Variants in ZNF878 observed in about 807,000 individuals in gnomAD.
ZNF878 encodes the protein zinc finger protein 878.
Under a neutral mutation model 11.1 loss-of-function variants are expected in ZNF878, and 10 were observed. That is an observed-to-expected ratio of 0.90 (90% CI 0.56 to 1.53). ZNF878 has a LOEUF of 1.53. Among genes scored for constraint, ZNF878 ranks in the 40% most tolerant of loss-of-function variants. The pLI, the probability that ZNF878 is intolerant of heterozygous loss-of-function variation, is 0.00. For missense variants in ZNF878, 548 were observed against 626.1 expected (o/e 0.88, Z 1.33); for synonymous variants, 165 against 209.7 (o/e 0.79, Z 1.84).
chr19:12,049,000 G>GGGTGT (rs1421725260), intron 1 of ZNF878, among the ~76,000 whole-genome samples: 1 of 151,422 alleles, frequency 6.6e-6, no homozygotes, highest in Non-Finnish European at 1.5e-5. Flanking sequence ...AAAATTAGCT[G>GGGTGT]GGTGTGGTGG....
At chr19:12,050,414 T>A (rs530214258) in intron 1 of ZNF878, among the ~76,000 whole-genome samples, 1 of 152,166 alleles carries the variant, frequency 6.6e-6, no homozygotes, top group Non-Finnish European at 1.5e-5. Context: ...CCAGGCACAA[T>A]AGGTCAATTA....
At position 12,046,670 on chromosome 19, in the gene ZNF878, C is replaced by G. The variant is rs774069123; in HGVS notation, c.94G>C (p.Val32Leu). The change falls in exon 2 of 4, where the codon GTG becomes CTG. Residue 32 changes from valine (V) to leucine (L), a missense_variant. Val to Leu is a conservative substitution (Grantham distance 32, BLOSUM62 1). Coordinates refer to ENST00000547628, the MANE Select transcript of ZNF878 (RefSeq NM_001080404.3). ...DPSQKNLYRE[V>L]MQETLRNLTS... ...AGGTTCCTCAAGGTTTCCTGCATCACTTCCCTGTAGAGATTTTTCTGGGAA... is the reference window on the plus strand; with the variant it reads ...AGGTTCCTCAAGGTTTCCTGCATCAGTTCCCTGTAGAGATTTTTCTGGGAA... The G allele has an allele frequency of 2.5e-6, 4 of 1,614,114 alleles. No homozygotes were observed. The highest frequency in any genetic ancestry group is 3.4e-6 in the Non-Finnish European group (4 of 1,180,016).
chr19:12,050,281 T>G (rs187123125), intron 1 of ZNF878, among the ~76,000 whole-genome samples: 82 of 152,222 alleles, frequency 5.4e-4, no homozygotes, highest in African/African-American at 2.0e-3. Context: ...TATAGAACAC[T>G]AAGACCCTTC....
chr19:12,044,683 T>C lies in ZNF878; in HGVS notation c.718A>G (p.Ser240Gly). The part of the protein sequence containing the change: ...NICGKAFFSP[S>G]SLKRHEKSHT... ...CTTTTCTCGTGTCTTTTTAACGAAC[T>C]GGGAGAAAAAAAGGCTTTCCCACAT... Residue 240 changes from serine (S) to glycine (G), a missense_variant, in exon 4 of 4, where the codon AGT becomes GGT. Physicochemically the swap from Ser to Gly is moderately conservative, Grantham distance 56. Transcript: ENST00000547628. 1.2e-6 allele frequency: 2 copies of C among 1,614,030 alleles called. No homozygotes were observed. Among genetic ancestry groups the C allele is most frequent in the Non-Finnish European group, 1.7e-6 (2 of 1,179,998 alleles).
chr19:12,052,851 G>A lies in ZNF878; in HGVS notation c.-50C>T, dbSNP rs147578055. The A allele has an allele frequency of 4.6e-6, 7 of 1,535,316 alleles. No homozygotes were observed. The East Asian group carries it at 1.5e-4, about 32-fold the overall frequency. The stretch of plus-strand genomic sequence containing the variant: ...GTCCTCTCTAAAGGTCCCGTGAACA[G>A]TGCAGGTCACAGCGCAGTCGACAGA... On this transcript the variant is annotated 5_prime_UTR_variant, in exon 1 of 4. Transcript: ENST00000547628.
At chr19:12,052,448 C>T (rs750644437) in intron 1 of ZNF878, among the ~76,000 whole-genome samples, 25 of 152,234 alleles carry the variant, frequency 1.6e-4, no homozygotes, top group Non-Finnish European at 3.1e-4. Context: ...CCCCACAGCC[C>T]ACAGCTCCTC....
In ZNF878 at chr19:12,046,697, G is replaced by T. The variant is rs1821442490; in HGVS notation, c.67C>A (p.Pro23Thr). Reference sequence around the variant, plus strand: ...TCCCTGTAGAGATTTTTCTGGGAAGGATCCAGCAAAGCCCACTCCTCCTGG... The same window carrying T: ...TCCCTGTAGAGATTTTTCTGGGAAGTATCCAGCAAAGCCCACTCCTCCTGG... ...FTQEEWALLD[P>T]SQKNLYREVM... The change falls in exon 2 of 4, where the codon CCT becomes ACT. Residue 23 changes from proline to threonine, a missense_variant. Coordinates refer to ENST00000547628, the MANE Select transcript of ZNF878 (RefSeq NM_001080404.3). 6.2e-7 allele frequency: 1 copy of T among 1,613,862 alleles called. No individual in the cohort carries two copies. Among genetic ancestry groups the T allele is most frequent in the African/African-American group, 1.3e-5 (1 of 74,846 alleles).
Position 12,045,111 on chromosome 19 carries a change from G to A in ZNF878, c.290C>T (p.Pro97Leu). ...ACTGCTTTCATATGATTGTACTCCA[G>A]GAGTTTTCTTCTTCAGTGTGTCATC... is the stretch of plus-strand genomic sequence containing the variant. ...VPDDTLKKKT[P>L]GVQSYESSVC... Residue 97 changes from proline to leucine, a missense_variant, in exon 4 of 4, where the codon CCT (proline) becomes CTT (leucine). Pro to Leu is a moderately conservative substitution (Grantham distance 98). Around this residue, in one of 3 missense-constraint regions of ZNF878, gnomAD observed 160 missense variants for 173.3 expected, o/e 0.92. Transcript: ENST00000547628. 1 of 1,613,240 alleles carries A rather than the reference G, an allele frequency of 6.2e-7. No homozygotes were observed. Among genetic ancestry groups the A allele is most frequent in the Non-Finnish European group, 8.5e-7 (1 of 1,179,550 alleles).
chr19:12,048,732 G>C (rs1327622342), intron 1 of ZNF878, among the ~76,000 whole-genome samples: 3 of 150,682 alleles, frequency 2.0e-5, no homozygotes, highest in East Asian at 1.9e-4. Context: ...TACTTGGGGG[G>C]CCGAGGCAGC....
Position 12,052,875 on chromosome 19 carries a change from G to A in ZNF878, c.-74C>T. 5 of 1,527,596 alleles carry A rather than the reference G, an allele frequency of 3.3e-6. No homozygotes were observed. Among genetic ancestry groups the A allele is most frequent in the Non-Finnish European group, 4.4e-6 (5 of 1,140,956 alleles). 94.6% of individuals were successfully genotyped at this position (1,527,596 alleles called of 1,614,324 possible). On this transcript the variant is annotated 5_prime_UTR_variant, in exon 1 of 4. Coordinates refer to ENST00000547628, the MANE Select transcript of ZNF878 (RefSeq NM_001080404.3). ...AGTGCAGGTCACAGCGCAGTCGACA[G>A]AGCAACAGCAGCTACGGCGGAAGTA...
Position 12,044,829 on chromosome 19 carries a change from C to G in ZNF878, c.572G>C (p.Arg191Thr), listed in dbSNP as rs755823019. The change falls in exon 4 of 4, where the codon AGA becomes ACA. Residue 191 changes from arginine to threonine, a missense_variant. Coordinates refer to ENST00000547628, the MANE Select transcript of ZNF878 (RefSeq NM_001080404.3). ...SFPSSVRRHE[R>T]IHSAKKPYEC... ...ATAGGGTTTTTTTGCAGAGTGGATT[C>G]TTTCATGTCTACGAACAGAACTGGG... The G allele has an allele frequency of 6.2e-7, 1 of 1,614,140 alleles. No homozygotes were observed. Among genetic ancestry groups the G allele is most frequent in the South Asian group, 1.1e-5 (1 of 91,060 alleles).
At chr19:12,052,098 A>C (rs1975557124) in intron 1 of ZNF878, among the ~76,000 whole-genome samples, 1 of 152,122 alleles carries the variant, frequency 6.6e-6, no homozygotes, top group African/African-American at 2.4e-5. Flanking sequence ...CCCCGCTTCC[A>C]TGTGTCCCGC....
Position 12,044,224 on chromosome 19 carries a change from T to C in ZNF878, c.1177A>G (p.Lys393Glu), listed in dbSNP as rs767238414. The C allele has an allele frequency of 2.5e-6, 4 of 1,614,174 alleles. No homozygotes were observed. The highest frequency in any genetic ancestry group is 3.4e-6 in the Non-Finnish European group (4 of 1,180,024). The change falls in exon 4 of 4, where the codon AAA (lysine) becomes GAA (glutamate). Residue 393 changes from lysine (K) to glutamate (E), a missense_variant. Transcript: ENST00000547628. ...CCACATTGCTTACACTCATAGGGTT[T>C]CTCTCCAGTGTGAGTCCTTTCATGA... ...HYHERTHTGE[K>E]PYECKQCGKA...
At position 12,045,108 on chromosome 19, in the gene ZNF878, C is replaced by A. The variant is rs752878293; in HGVS notation, c.293G>T (p.Gly98Val). ...PDDTLKKKTP[G>V]VQSYESSVCG... is the part of the protein sequence containing the mutation. ...CACACTGCTTTCATATGATTGTACT[C>A]CAGGAGTTTTCTTCTTCAGTGTGTC... Residue 98 changes from glycine (G) to valine (V), a missense_variant, in exon 4 of 4, where the codon GGA becomes GTA. By Grantham distance (109) the Gly-to-Val change is moderately radical. Around this residue, in one of 3 missense-constraint regions of ZNF878, gnomAD observed 160 missense variants for 173.3 expected, o/e 0.92. Coordinates refer to ENST00000547628, the MANE Select transcript of ZNF878 (RefSeq NM_001080404.3). 1.2e-6 allele frequency: 2 copies of A among 1,613,264 alleles called. No homozygotes were observed. The highest frequency in any genetic ancestry group is 2.2e-5 in the South Asian group (2 of 90,986).
intron 1 of ZNF878, among the ~76,000 whole-genome samples, chr19:12,047,373 G>A (rs1975504181): frequency 6.6e-6 from 1 of 151,864 alleles, no homozygotes; most frequent in South Asian, 2.1e-4. Flanking sequence ...AGACCAACCT[G>A]GCCAACATGG....
intron 1 of ZNF878, among the ~76,000 whole-genome samples, chr19:12,051,221 C>A (rs1975548440): frequency 6.7e-6 from 1 of 149,904 alleles, no homozygotes; most frequent in Non-Finnish European, 1.5e-5. Flanking sequence ...TCGCTTGAAC[C>A]GGGGAGGCGG....
intron 1 of ZNF878, among the ~76,000 whole-genome samples, chr19:12,048,744 G>A (rs748071145): frequency 8.9e-5 from 13 of 146,720 alleles, no homozygotes. Context: ...CGAGGCAGCA[G>A]AATCACTTGA....
chr19:12,044,351 A>G lies in ZNF878; in HGVS notation c.1050T>C (p.Phe350=). ...TTTCATGTATTCGAAGATCCTTGAC[A>G]AAACTGAAGGCTTTCACACATTTTT... is the stretch of plus-strand genomic sequence containing the variant. ...ECKKCVKAFS[F]VKDLRIHERT... is the part of the protein sequence containing the mutation. The change falls in exon 4 of 4, where the codon TTT becomes TTC. Residue 350 remains phenylalanine, a synonymous_variant. Transcript: ENST00000547628. 1 of 1,612,750 alleles carries G rather than the reference A, an allele frequency of 6.2e-7. No homozygotes were observed. Among genetic ancestry groups the G allele is most frequent in the Non-Finnish European group, 8.5e-7 (1 of 1,179,026 alleles).
At chr19:12,050,408 G>A (rs1975538593) in intron 1 of ZNF878, among the ~76,000 whole-genome samples, 1 of 152,038 alleles carries the variant, frequency 6.6e-6, no homozygotes, top group Non-Finnish European at 1.5e-5. Context: ...GCTTAACCAG[G>A]CACAATAGGT....
Sources: allele counts gnomAD v4.1 joint callset (sites outside exome capture counted in the v4.1 genomes callset), GRCh38; gene constraint gnomAD v4.1.1; regional missense constraint gnomAD v4.1.1; transcripts MANE v1.5; gene names NCBI Gene and HGNC (gene_info 2026-07-23, HGNC 2026-07-21).